CDK2AP1: variants seen among roughly 807,000 people sequenced by gnomAD.
CDK2AP1 encodes the protein cyclin-dependent kinase 2-associated protein 1.
A neutral mutation model predicts 14.1 loss-of-function variants in CDK2AP1; 10 were observed. That is an observed-to-expected ratio of 0.71 (90% CI 0.44 to 1.20). CDK2AP1 has a LOEUF of 1.20. Among genes scored for constraint, CDK2AP1 ranks in the 50% most tolerant of loss-of-function variants. The probability of loss-of-function intolerance (pLI) is 0.00; values close to 1 mark genes in which losing one functional copy is unlikely to be tolerated. For synonymous variants in CDK2AP1, 59 were observed against 59.8 expected, an observed-to-expected ratio of 0.99 and a Z score of 0.06; for missense variants, 102 against 149.9, an observed-to-expected ratio of 0.68 and a Z score of 1.67.
chr12:123,269,831 G>A (rs2048337859), intron 1 of CDK2AP1, among the ~76,000 whole-genome samples: 1 of 152,100 alleles, frequency 6.6e-6, no homozygotes, highest in Non-Finnish European at 1.5e-5. Flanking sequence ...GCAGCGGAGA[G>A]TCCATCTTGG....
intron 3 of CDK2AP1, among the ~76,000 whole-genome samples, chr12:123,264,851 TC>T (rs2138814230): frequency 6.6e-6 from 1 of 152,146 alleles, no homozygotes; most frequent in Non-Finnish European, 1.5e-5. Context: ...AGGACCAGTG[TC>T]GGCCCACAGG....
chr12:123,262,443 C>T (rs1185843203), intron 3 of CDK2AP1: 1 of 152,180 alleles, frequency 6.6e-6, no homozygotes, highest in African/African-American at 2.4e-5. Flanking sequence ...TCCCAGAGGC[C>T]ACTGGGAATG....
intron 2 of CDK2AP1, among the ~76,000 whole-genome samples, chr12:123,266,888 G>A (rs546776638): frequency 1.3e-5 from 2 of 152,370 alleles, no homozygotes; most frequent in African/African-American, 4.8e-5. Flanking sequence ...CCAAGAAAGA[G>A]GAGTGAGGAG....
intron 1 of CDK2AP1, 75 bp downstream of exon 1, chr12:123,271,479 CGCCCCGGGCA>C (rs1415554424): frequency 2.8e-6 from 2 of 726,862 alleles, no homozygotes; most frequent in African/African-American, 3.9e-5. Flanking sequence ...CCTCCGCGGG[CGCCCCGGGCA>C]TCCCCGGGCC....
At chr12:123,268,186 C>G (rs2048316930) in intron 1 of CDK2AP1, 1 of 985,304 alleles carries the variant, frequency 1.0e-6, no homozygotes, top group African/African-American at 1.7e-5. Flanking sequence ...TCCTCGGCAG[C>G]TGCCCGCCTG....
In CDK2AP1 at chr12:123,265,808, C is replaced by A. The variant is rs2048284551; in HGVS notation, c.154-486G>T. ...TTTTGGCACAAAAGAGTCCAAACAGCATTTCCCAGGATGCAGATGGATGGG... is the reference window on the plus strand; with the variant it reads ...TTTTGGCACAAAAGAGTCCAAACAGAATTTCCCAGGATGCAGATGGATGGG... On this transcript the variant is annotated intron_variant, in intron 2 of 3. Transcript: ENST00000261692. This position sits in a 1 kb window ranked among gnomAD's most constrained non-coding sequence, Gnocchi z 5.3. Among the ~76,000 whole-genome samples, 1 of 152,200 alleles carries A rather than the reference C, an allele frequency of 6.6e-6. No individual in the cohort carries two copies. Among genetic ancestry groups the A allele is most frequent in the African/African-American group, 2.4e-5 (1 of 41,444 alleles).
At chr12:123,266,236 G>C (rs922387334) in intron 2 of CDK2AP1, among the ~76,000 whole-genome samples, 1 of 152,166 alleles carries the variant, frequency 6.6e-6, no homozygotes, top group Admixed American at 6.5e-5. Context: ...GCCTCCCCAC[G>C]GCACTGCCTC....
intron 1 of CDK2AP1, chr12:123,270,841 C>A: frequency 2.2e-5 from 22 of 984,820 alleles, no homozygotes; most frequent in Non-Finnish European, 2.7e-5. Flanking sequence ...GCGCGCGGGC[C>A]CCAGCAGCCC....
rs1004170610 is a variant in CDK2AP1, at chr12:123,265,002, C to G, written c.280+194G>C. On this transcript the variant is annotated intron_variant, in intron 3 of 3. Coordinates refer to ENST00000261692, the MANE Select transcript of CDK2AP1 (RefSeq NM_004642.4). The surrounding 1 kb of genome is among the most constrained non-coding windows in gnomAD (Gnocchi z 5.3). ...AGAAGACCCCTCTGAAGACATCCAG[C>G]CCCCCAGGCCCCTCGCTACCAGACC... Among the ~76,000 whole-genome samples the G allele has an allele frequency of 1.3e-5, 2 of 152,142 alleles. No individual in the cohort carries two copies. The highest frequency in any genetic ancestry group is 4.8e-5 in the African/African-American group (2 of 41,426).
At chr12:123,271,376 G>A (rs1380807267) in intron 1 of CDK2AP1, among the ~76,000 whole-genome samples, 188 bp downstream of exon 1, 3 of 147,246 alleles carry the variant, frequency 2.0e-5, no homozygotes, top group Admixed American at 2.0e-4. Flanking sequence ...CTCGGCGTGC[G>A]GGGCGCACCA....
chr12:123,267,039 C>G, intron 2 of CDK2AP1, 146 bp downstream of exon 2: 1 of 645,848 alleles, frequency 1.5e-6, no homozygotes, highest in South Asian at 1.7e-5. Flanking sequence ...GTGTTCTGAG[C>G]AGGAGCGCAG....
chr12:123,271,431 G>T, intron 1 of CDK2AP1, 133 bp downstream of exon 1: 1 of 296,372 alleles, frequency 3.4e-6, no homozygotes, highest in Non-Finnish European at 4.9e-6. Context: ...CGGCGGCAGC[G>T]CTGCCCCGGG....
intron 3 of CDK2AP1, among the ~76,000 whole-genome samples, chr12:123,263,824 GC>G (rs2048258580): frequency 6.6e-6 from 1 of 152,224 alleles, no homozygotes. Flanking sequence ...CCTCTCCCAG[GC>G]CGGGCACGGT....
intron 1 of CDK2AP1, chr12:123,270,896 G>A (rs1398310563): frequency 4.1e-5 from 40 of 985,060 alleles, no homozygotes; most frequent in Admixed American, 6.2e-5. Flanking sequence ...CCTTACGGGG[G>A]TCCCCGCGTG....
chr12:123,270,646 C>T (rs1255908239), intron 1 of CDK2AP1, among the ~76,000 whole-genome samples: 1 of 152,196 alleles, frequency 6.6e-6, no homozygotes, highest in African/African-American at 2.4e-5. Context: ...CTCCCTCGGT[C>T]CCCTGGGCTC....
At position 123,265,112 on chromosome 12, in the gene CDK2AP1, C is replaced by T; in HGVS notation, c.280+84G>A. 1.3e-6 allele frequency: 2 copies of T among 1,574,104 alleles called. No homozygotes were observed. The highest frequency in any genetic ancestry group is 8.7e-7 in the Non-Finnish European group (1 of 1,151,140). The stretch of plus-strand genomic sequence containing the variant: ...ATGAGTGAGCCTCATCCCTAGCCCA[C>T]CTTCCCACATTTTCCCCAAAAGTCT... On this transcript the variant is annotated intron_variant, in intron 3 of 3. Coordinates refer to ENST00000261692, the MANE Select transcript of CDK2AP1 (RefSeq NM_004642.4). This position sits in a 1 kb window ranked among gnomAD's most constrained non-coding sequence, Gnocchi z 5.3.
In CDK2AP1 at chr12:123,264,076, T is replaced by A. The variant is rs376708862; in HGVS notation, c.280+1120A>T. The stretch of plus-strand genomic sequence containing the variant: ...GTGGGCCGAGATCGTGCCACTGCAC[T>A]CCAGCCCAGGTGACAGAGCTAGACT... On this transcript the variant is annotated intron_variant, in intron 3 of 3. Transcript: ENST00000261692. 4.5e-4 allele frequency among the ~76,000 whole-genome samples: 66 copies of A among 146,964 alleles called. No individual in the cohort carries two copies. In the East Asian group the frequency reaches 9.8e-3, roughly 22 times the overall value.
rs566380727 is a variant in CDK2AP1, at chr12:123,261,885, A to G, written c.281-82T>C. The G allele has an allele frequency of 4.0e-5, 37 of 932,842 alleles. No individual in the cohort carries two copies. The African/African-American group carries it at 5.2e-4, about 13-fold the overall frequency. 57.8% of individuals were successfully genotyped at this position (932,842 alleles called of 1,614,324 possible). The stretch of plus-strand genomic sequence containing the variant: ...CCATTCTGAAACAGCAAGAGGATCC[A>G]TCCTTCCACAGCCTGTCCACAAAAC... On this transcript the variant is annotated intron_variant, in intron 3 of 3. Transcript: ENST00000261692.
At chr12:123,270,135 C>A in intron 1 of CDK2AP1, 1 of 836,680 alleles carries the variant, frequency 1.2e-6, no homozygotes, top group East Asian at 1.2e-4. Context: ...CAGCCCCTGC[C>A]CTCCCCACAG....
Sources: gnomAD v4.1 joint callset for allele counts (sites outside exome capture counted in the v4.1 genomes callset) on GRCh38, gnomAD v4.1.1 for gene constraint, Gnocchi (gnomAD v3.1) non-coding constraint, MANE v1.5 for transcripts, NCBI Gene and HGNC (gene_info 2026-07-23, HGNC 2026-07-21) for gene names.